ULK4: variants seen among roughly 807,000 people sequenced by gnomAD.
The protein encoded by ULK4 is inactive serine/threonine-protein kinase ULK4.
In ULK4, 133 loss-of-function variants were observed where a neutral mutation model predicts 160.6. The observed-to-expected ratio is 0.83, with a 90% confidence interval of 0.72 to 0.96. The LOEUF (loss-of-function observed/expected upper bound fraction) is 0.96, where lower values mean the gene tolerates loss of function less well. Ranked by LOEUF, ULK4 falls within the 40% of genes least tolerant of loss-of-function variation. ULK4 has a pLI of 0.00. For synonymous variants in ULK4, 534 were observed against 539.8 expected, an observed-to-expected ratio of 0.99 and a Z score of 0.15; for missense variants, 1,580 against 1,499.5, an observed-to-expected ratio of 1.05 and a Z score of -0.89.
intron 27 of ULK4, among the ~76,000 whole-genome samples, chr3:41,699,184 TAGGTGTACCAATGTACA>T (rs1336801861): frequency 6.6e-6 from 1 of 152,180 alleles, no homozygotes; most frequent in Non-Finnish European, 1.5e-5. Flanking sequence ...TTTTTCAGAG[TAGGTGTACCAATGTACA>T]CTCTCACTGA....
intron 35 of ULK4, among the ~76,000 whole-genome samples, chr3:41,267,669 T>C (rs1270758783): frequency 6.6e-6 from 1 of 152,162 alleles, no homozygotes; most frequent in African/African-American, 2.4e-5. Context: ...CCACTATAAA[T>C]TCTGCATGAC....
chr3:41,565,761 GCAAT>G (rs1345135735), intron 32 of ULK4, among the ~76,000 whole-genome samples: 43 of 152,126 alleles, frequency 2.8e-4, no homozygotes, highest in Non-Finnish European at 5.9e-4. Flanking sequence ...AAGACAGATA[GCAAT>G]CAGTCTAAAT....
chr3:41,553,856 TA>T lies in ULK4; in HGVS notation c.3226+12168del, dbSNP rs556561236. Among the ~76,000 whole-genome samples the T allele has an allele frequency of 2.6e-3, 391 of 152,262 alleles. 1 individual carries two copies. Among genetic ancestry groups the T allele is most frequent in the Admixed American group, 7.1e-3 (108 of 15,282 alleles). Reference sequence around the variant, plus strand: ...CGAATTATACTCTTTTAGTTATTTTTAAACATACAATTAAATTATTTTTTAT... The same window carrying T: ...CGAATTATACTCTTTTAGTTATTTTTAACATACAATTAAATTATTTTTTAT... On this transcript the variant is annotated intron_variant, in intron 32 of 36. Transcript: ENST00000301831.
intron 32 of ULK4, among the ~76,000 whole-genome samples, chr3:41,526,031 T>C (rs1166608935): frequency 1.3e-5 from 2 of 152,234 alleles, no homozygotes; most frequent in African/African-American, 4.8e-5. Context: ...TCCAGTGATA[T>C]TAACATTCCC....
At chr3:41,684,648 C>G (rs2036040643) in intron 27 of ULK4, among the ~76,000 whole-genome samples, 1 of 152,200 alleles carries the variant, frequency 6.6e-6, no homozygotes, top group Non-Finnish European at 1.5e-5. Flanking sequence ...CTTTTGTCAT[C>G]TTTTGCTATC....
intron 18 of ULK4, among the ~76,000 whole-genome samples, chr3:41,821,803 A>G (rs1457112493): frequency 3.3e-5 from 5 of 152,086 alleles, no homozygotes; most frequent in Non-Finnish European, 7.4e-5. Context: ...CCACTCCAAT[A>G]TGACGACTTC....
At position 41,531,472 on chromosome 3, in the gene ULK4, AGAGGAGGG is replaced by A. The variant is rs1559372874; in HGVS notation, c.3226+34545_3226+34552del. On this transcript the variant is annotated intron_variant, in intron 32 of 36. Coordinates refer to ENST00000301831, the MANE Select transcript of ULK4 (RefSeq NM_017886.4). ...AGGGGAGGGGAGGGGAGGGGAGGGG[AGAGGAGGG>A]GAGAGGAGAGGAGAGAAGAAGAAAA... Among the ~76,000 whole-genome samples, 116 of 12,730 alleles carry A rather than the reference AGAGGAGGG, an allele frequency of 9.1e-3. 3 individuals carry two copies. The highest frequency in any genetic ancestry group is 0.025 in the African/African-American group (113 of 4,546). The allele number at this position is 12,730 out of a possible 152,430, so 8.4% of individuals were successfully genotyped here. A position where few individuals can be genotyped will look rare whatever the true frequency, so the allele number is the denominator to read the frequency against.
intron 5 of ULK4, among the ~76,000 whole-genome samples, chr3:41,922,392 T>TG (rs1166715573): frequency 6.6e-6 from 1 of 151,362 alleles, no homozygotes; most frequent in African/African-American, 2.4e-5. Context: ...GAGACTGAGG[T>TG]GGGGGAATCG....
chr3:41,304,769 C>A (rs899153193), intron 35 of ULK4, among the ~76,000 whole-genome samples: 3 of 152,206 alleles, frequency 2.0e-5, no homozygotes, highest in Admixed American at 6.5e-5. Context: ...TCTGGCAAAC[C>A]AGGATCCTGT....
intron 35 of ULK4, among the ~76,000 whole-genome samples, chr3:41,344,739 C>G (rs1412718685): frequency 9.0e-6 from 1 of 110,780 alleles, no homozygotes; most frequent in Non-Finnish European, 1.7e-5. Context: ...GGTAACAGAG[C>G]AAGACTCTGT....
At chr3:41,510,958 C>T (rs1203906277) in intron 32 of ULK4, among the ~76,000 whole-genome samples, 7 of 152,030 alleles carry the variant, frequency 4.6e-5, no homozygotes, top group South Asian at 2.1e-4. Context: ...GTCAGGAGAT[C>T]GAGACCATCC....
At chr3:41,703,559 T>A (rs1014162591) in intron 27 of ULK4, among the ~76,000 whole-genome samples, 1 of 150,892 alleles carries the variant, frequency 6.6e-6, no homozygotes, top group African/African-American at 2.4e-5. Context: ...AGAAGAAATA[T>A]GAAAAATTAA....
intron 21 of ULK4, among the ~76,000 whole-genome samples, chr3:41,781,002 A>G (rs1409271563): frequency 3.3e-5 from 5 of 152,168 alleles, no homozygotes; most frequent in Admixed American, 3.3e-4. Context: ...AAACACAGAG[A>G]AAGAGAAGAT....
rs1415943037 is a variant in ULK4 at position 41,470,044 on chromosome 3, A to AAAAAAAAAAAAC, written c.3227-6792_3227-6791insGTTTTTTTTTTT. On this transcript the variant is annotated intron_variant, in intron 32 of 36. Transcript: ENST00000301831. ...AAAAAAAAAAAAAAAAAAAAAAAAA[A>AAAAAAAAAAAAC]AACAAAGTATTTTTAAAGGAACTAA... Among the ~76,000 whole-genome samples the AAAAAAAAAAAAC allele has an allele frequency of 1.0e-3, 117 of 116,732 alleles. 3 individuals are homozygous for AAAAAAAAAAAAC. Among genetic ancestry groups the AAAAAAAAAAAAC allele is most frequent in the Non-Finnish European group, 1.2e-3 (69 of 56,550 alleles). 76.6% of individuals were successfully genotyped at this position (116,732 alleles called of 152,430 possible). A position where few individuals can be genotyped will look rare whatever the true frequency, so the allele number is the denominator to read the frequency against.
chr3:41,588,974 C>T (rs2031045883), intron 31 of ULK4, among the ~76,000 whole-genome samples: 1 of 152,012 alleles, frequency 6.6e-6, no homozygotes, highest in Non-Finnish European at 1.5e-5. Context: ...CCACATGGTC[C>T]CTGCCTTTTG....
At chr3:41,569,648 C>T (rs2087901760) in intron 31 of ULK4, among the ~76,000 whole-genome samples, 1 of 152,164 alleles carries the variant, frequency 6.6e-6, no homozygotes, top group Non-Finnish European at 1.5e-5. Context: ...TTCTATTACA[C>T]CTTCACAAAA....
intron 32 of ULK4, among the ~76,000 whole-genome samples, chr3:41,553,506 T>C (rs2087159504): frequency 1.3e-5 from 2 of 152,220 alleles, no homozygotes; most frequent in Admixed American, 6.5e-5. Flanking sequence ...ACATCACTAA[T>C]GATTAGGAAA....
At chr3:41,356,345 G>T (rs2081029175) in intron 35 of ULK4, among the ~76,000 whole-genome samples, 1 of 152,178 alleles carries the variant, frequency 6.6e-6, no homozygotes, top group African/African-American at 2.4e-5. Flanking sequence ...GTCACTGTCA[G>T]GTGTATATCA....
intron 34 of ULK4, among the ~76,000 whole-genome samples, chr3:41,443,623 G>A (rs2125858986): frequency 6.6e-6 from 1 of 152,092 alleles, no homozygotes; most frequent in South Asian, 2.1e-4. Context: ...TGTTGTTAAG[G>A]GGACTGACAT....
Sources: gnomAD v4.1 joint callset for allele counts (sites outside exome capture counted in the v4.1 genomes callset) on GRCh38, gnomAD v4.1.1 for gene constraint, MANE v1.5 for transcripts, NCBI Gene and HGNC (gene_info 2026-07-23, HGNC 2026-07-21) for gene names.